The following PTPRD variants were observed in gnomAD, a reference collection of about 807,000 sequenced individuals.
PTPRD encodes the protein protein tyrosine phosphatase receptor type D.
In PTPRD, 34 loss-of-function variants were observed where a neutral mutation model predicts 214.5. That is an observed-to-expected ratio of 0.16 (90% CI 0.12 to 0.21). PTPRD has a LOEUF of 0.21. Among genes scored for constraint, PTPRD ranks in the 10% least tolerant of loss-of-function variants. The probability of loss-of-function intolerance (pLI) is 1.00; values close to 1 mark genes in which losing one functional copy is unlikely to be tolerated. For missense variants in PTPRD, 2,545 were observed against 2,398.7 expected (o/e 1.06, Z -1.27); for synonymous variants, 1,128 against 845.7 (o/e 1.33, Z -5.79).
At chr9:10,301,793 G>T (rs1012931533) in intron 3 of PTPRD, among the ~76,000 whole-genome samples, 1 of 152,192 alleles carries the variant, frequency 6.6e-6, no homozygotes, top group Non-Finnish European at 1.5e-5. Flanking sequence ...ATCTACATTT[G>T]ATTGGTGTAC....
At chr9:9,916,094 CAA>C (rs201403712) in intron 5 of PTPRD, among the ~76,000 whole-genome samples, 2 of 142,128 alleles carry the variant, frequency 1.4e-5, no homozygotes, top group African/African-American at 5.3e-5. Flanking sequence ...AAAAAAAAAA[CAA>C]AAAACTGTCA....
At chr9:9,356,899 A>G (rs2054011953) in intron 9 of PTPRD, among the ~76,000 whole-genome samples, 1 of 151,408 alleles carries the variant, frequency 6.6e-6, no homozygotes, top group South Asian at 2.1e-4. Context: ...GCAACTTGCT[A>G]CCAGTGAGGC....
intron 2 of PTPRD, among the ~76,000 whole-genome samples, chr9:10,543,144 C>G (rs1432582722): frequency 6.6e-6 from 1 of 152,054 alleles, no homozygotes; most frequent in Non-Finnish European, 1.5e-5. Context: ...CTTGGCCTCC[C>G]AAAGTGCTGG....
chr9:10,200,124 C>A (rs2099413747), intron 3 of PTPRD, among the ~76,000 whole-genome samples: 2 of 152,016 alleles, frequency 1.3e-5, no homozygotes, highest in African/African-American at 4.8e-5. Flanking sequence ...CTTCTGAACC[C>A]TTGAAAGACT....
intron 6 of PTPRD, among the ~76,000 whole-genome samples, chr9:9,761,611 G>A (rs1010191939): frequency 6.6e-6 from 1 of 152,058 alleles, no homozygotes; most frequent in Non-Finnish European, 1.5e-5. Flanking sequence ...TGCTGGTTGT[G>A]ATATTATACT....
At chr9:9,466,369 T>C (rs1569568581) in intron 8 of PTPRD, among the ~76,000 whole-genome samples, 2 of 152,314 alleles carry the variant, frequency 1.3e-5, no homozygotes, top group Admixed American at 6.5e-5. Context: ...ATCAGTGTTC[T>C]AGATGAAGTT....
chr9:9,657,644 A>G (rs576365131), intron 7 of PTPRD, among the ~76,000 whole-genome samples: 67 of 152,310 alleles, frequency 4.4e-4, no homozygotes, highest in African/African-American at 1.6e-3. Context: ...GAAAATAATC[A>G]TGGCTAAATG....
intron 9 of PTPRD, among the ~76,000 whole-genome samples, chr9:9,261,647 CGTGTGT>C (rs5896314): frequency 4.0e-4 from 59 of 148,172 alleles, no homozygotes; most frequent in Middle Eastern, 3.4e-3. Context: ...TGTGCATGCA[CGTGTGT>C]GTGTGTGTGT....
intron 11 of PTPRD, among the ~76,000 whole-genome samples, chr9:8,784,905 T>C (rs1238635000): frequency 3.9e-5 from 6 of 152,072 alleles, no homozygotes. Flanking sequence ...AACAAACAAA[T>C]GAACAAACAG....
chr9:9,217,571 T>C (rs1593805791), intron 9 of PTPRD, among the ~76,000 whole-genome samples: 1 of 152,294 alleles, frequency 6.6e-6, no homozygotes, highest in East Asian at 1.9e-4. Flanking sequence ...CAGGACTCCA[T>C]CTACACAGCT....
At chr9:9,868,387 G>T (rs1383137181) in intron 5 of PTPRD, among the ~76,000 whole-genome samples, 3 of 152,016 alleles carry the variant, frequency 2.0e-5, no homozygotes, top group Non-Finnish European at 4.4e-5. Context: ...CTAAAATTTT[G>T]CTATATACAC....
chr9:9,483,528 C>G (rs889367537), intron 8 of PTPRD, among the ~76,000 whole-genome samples: 1 of 152,074 alleles, frequency 6.6e-6, no homozygotes, highest in Non-Finnish European at 1.5e-5. Flanking sequence ...GCTAAGCTTA[C>G]TAGAGTCTAA....
chr9:10,407,259 G>A (rs1002318993), intron 2 of PTPRD, among the ~76,000 whole-genome samples: 1 of 151,420 alleles, frequency 6.6e-6, no homozygotes, highest in African/African-American at 2.4e-5. Flanking sequence ...TAATGTCTTA[G>A]GCTATGGATT....
chr9:9,886,549 G>A (rs1045719746), intron 5 of PTPRD, among the ~76,000 whole-genome samples: 2 of 152,114 alleles, frequency 1.3e-5, no homozygotes, highest in African/African-American at 4.8e-5. Context: ...TTTCCAAAAT[G>A]ACTGTACCAA....
chr9:10,306,077 G>C (rs945757308), intron 3 of PTPRD, among the ~76,000 whole-genome samples: 9 of 152,054 alleles, frequency 5.9e-5, no homozygotes, highest in African/African-American at 2.2e-4. Flanking sequence ...ATACACCAGG[G>C]AATCCTATGC....
intron 39 of PTPRD, among the ~76,000 whole-genome samples, chr9:8,348,894 C>T (rs1398937317): frequency 6.6e-6 from 1 of 152,092 alleles, no homozygotes; most frequent in Admixed American, 6.6e-5. Flanking sequence ...ATTTTTTCAG[C>T]AACTGCCTTA....
chr9:10,120,011 T>G (rs928218194), intron 3 of PTPRD, among the ~76,000 whole-genome samples: 1 of 152,192 alleles, frequency 6.6e-6, no homozygotes, highest in Admixed American at 6.5e-5. Flanking sequence ...AATCTCAGGA[T>G]AGTGATAGAA....
intron 10 of PTPRD, among the ~76,000 whole-genome samples, chr9:9,073,632 G>A (rs1342683365): frequency 1.3e-5 from 2 of 152,216 alleles, no homozygotes; most frequent in East Asian, 1.9e-4. Context: ...CCTTAGTTTC[G>A]AGCCTTCAGA....
intron 3 of PTPRD, among the ~76,000 whole-genome samples, chr9:10,131,416 G>T (rs1228805660): frequency 6.6e-6 from 1 of 152,100 alleles, no homozygotes; most frequent in Non-Finnish European, 1.5e-5. Flanking sequence ...AGCCTGTATT[G>T]TCAAGTGCTT....
Sources: gnomAD v4.1 joint callset for allele counts (sites outside exome capture counted in the v4.1 genomes callset) on GRCh38, gnomAD v4.1.1 for gene constraint, MANE v1.5 for transcripts, NCBI Gene and HGNC (gene_info 2026-07-23, HGNC 2026-07-21) for gene names.